The following SLC26A5 variants were observed in gnomAD, a reference collection of about 807,000 sequenced individuals.
The protein encoded by SLC26A5 is prestin.
In SLC26A5, 51 loss-of-function variants were observed where a neutral mutation model predicts 81.0. The observed-to-expected ratio is 0.63, with a 90% CI of 0.50 to 0.80. SLC26A5 has a LOEUF of 0.80. Among genes scored for constraint, SLC26A5 ranks in the 30% least tolerant of loss-of-function variants. SLC26A5 has a pLI of 0.00. For missense variants in SLC26A5, 771 were observed against 905.8 expected, an observed-to-expected ratio of 0.85 and a Z score of 1.91; for synonymous variants, 325 against 332.8, an observed-to-expected ratio of 0.98 and a Z score of 0.25.
At chr7:103,371,388 G>T (rs1057319932), downstream of SLC26A5, among the ~76,000 whole-genome samples, 2 of 150,328 alleles carry the variant, frequency 1.3e-5, no homozygotes, top group South Asian at 2.1e-4. Context: ...GCAGTGGCGC[G>T]ATCTCGGCTC....
chr7:103,394,681 G>A (rs58802544), intron 9 of SLC26A5, among the ~76,000 whole-genome samples: 23,377 of 152,136 alleles, frequency 0.15, 2,005 homozygotes, highest in East Asian at 0.31. Context: ...GTGTAGGTAC[G>A]TGTATATAGA....
At chr7:103,387,799 A>G (rs1822312320) in intron 14 of SLC26A5, among the ~76,000 whole-genome samples, 1 of 152,104 alleles carries the variant, frequency 6.6e-6, no homozygotes, top group African/African-American at 2.4e-5. Flanking sequence ...CTCCTGCCTC[A>G]GCCTCCTAAG....
At chr7:103,389,235 A>C in intron 13 of SLC26A5, 94 bp downstream of exon 13, 2 of 1,208,422 alleles carry the variant, frequency 1.7e-6, no homozygotes, top group Non-Finnish European at 2.5e-6. Flanking sequence ...ACTGCACATA[A>C]CAACTGCATT....
chr7:103,364,034 A>T, intron 19 of SLC26A5: 11 of 1,013,752 alleles, frequency 1.1e-5, no homozygotes, highest in Non-Finnish European at 1.6e-5. Flanking sequence ...ATATTAAAGT[A>T]TGGTTTTCAG....
chr7:103,427,177 G>A (rs908509358), intron 2 of SLC26A5, among the ~76,000 whole-genome samples: 3 of 151,592 alleles, frequency 2.0e-5, no homozygotes, highest in South Asian at 4.2e-4. Context: ...GGGTTCAAGC[G>A]ATTTTCCTGC....
chr7:103,413,671 A>G (rs2116669542), intron 4 of SLC26A5, among the ~76,000 whole-genome samples: 1 of 152,266 alleles, frequency 6.6e-6, no homozygotes, highest in East Asian at 1.9e-4. Flanking sequence ...ATTACCTTCC[A>G]GTTACTCAAT....
rs1171517358 is a variant in SLC26A5, at chr7:103,433,703, CT to C, written c.-54+9379del. 1,105 of 131,402 alleles carry C rather than the reference CT, an allele frequency of 8.4e-3. 7 individuals carry two copies. Among genetic ancestry groups the C allele is most frequent in the African/African-American group, 0.012 (382 of 32,332 alleles). The allele number at this position is 131,402 out of a possible 1,614,324, so 8.1% of individuals were successfully genotyped here. On this transcript the variant is annotated intron_variant, in intron 2 of 19. Coordinates refer to ENST00000306312, the MANE Select transcript of SLC26A5 (RefSeq NM_198999.3). ...AATTTGTATTAATTTTTTTTTCTTT[CT>C]TTTTTTTTTTTTTTTTGAGACAGAG...
At chr7:103,430,368 C>T (rs535632910) in intron 2 of SLC26A5, among the ~76,000 whole-genome samples, 36 of 152,272 alleles carry the variant, frequency 2.4e-4, no homozygotes, top group Admixed American at 8.5e-4. Flanking sequence ...CGTGAGCCAA[C>T]GCGCCCAGCC....
chr7:103,373,049 A>G (rs1821123108), downstream of SLC26A5, among the ~76,000 whole-genome samples: 1 of 152,206 alleles, frequency 6.6e-6, no homozygotes, highest in African/African-American at 2.4e-5. Flanking sequence ...TTCACATAGA[A>G]TAACCAACTA....
At chr7:103,398,936 C>T (rs1317092485) in intron 8 of SLC26A5, among the ~76,000 whole-genome samples, 4 of 152,058 alleles carry the variant, frequency 2.6e-5, no homozygotes, top group African/African-American at 9.7e-5. Context: ...ATTTTTTGTG[C>T]ATCTCTAACT....
At chr7:103,398,089 TGTTA>T (rs1383449184) in intron 8 of SLC26A5, 75 bp from the exon 9 acceptor site, 54 of 1,123,632 alleles carry the variant, frequency 4.8e-5, no homozygotes, top group Non-Finnish European at 6.3e-5. Flanking sequence ...TCAAATAATA[TGTTA>T]GTCAAGTCAA....
At chr7:103,415,351 T>G (rs962307917) in intron 4 of SLC26A5, among the ~76,000 whole-genome samples, 1 of 152,234 alleles carries the variant, frequency 6.6e-6, no homozygotes, top group Non-Finnish European at 1.5e-5. Context: ...GCCAATCACT[T>G]CCAACTCGTT....
chr7:103,414,607 C>G (rs1264799442), intron 4 of SLC26A5, among the ~76,000 whole-genome samples: 1 of 152,086 alleles, frequency 6.6e-6, no homozygotes, highest in African/African-American at 2.4e-5. Flanking sequence ...TAGCTCATTC[C>G]TTTTTAATAT....
Position 103,392,907 on chromosome 7 carries a change from G to T in SLC26A5, c.1119+12C>A. The T allele has an allele frequency of 6.2e-7, 1 of 1,613,892 alleles. No homozygotes were observed. The highest frequency in any genetic ancestry group is 8.5e-7 in the Non-Finnish European group (1 of 1,179,838). On this transcript the variant is annotated intron_variant, in intron 10 of 19. Transcript: ENST00000306312. ...TGCTATGAAACATGTGCAGGAAACT[G>T]ATTATCTTTACCTGATTGCCGTCAA...
downstream of SLC26A5, among the ~76,000 whole-genome samples, chr7:103,371,236 A>G (rs1821012809): frequency 6.6e-6 from 1 of 152,254 alleles, no homozygotes; most frequent in South Asian, 2.1e-4. Flanking sequence ...TGCTTTTAAT[A>G]TACATAACAA....
chr7:103,393,634 G>A (rs1421257005), intron 9 of SLC26A5, among the ~76,000 whole-genome samples: 1 of 151,892 alleles, frequency 6.6e-6, no homozygotes, highest in Non-Finnish European at 1.5e-5. Context: ...TGGGAAAGGA[G>A]CAGCAGAAGA....
At chr7:103,422,021 G>C (rs1176665982) in intron 2 of SLC26A5, among the ~76,000 whole-genome samples, 1 of 152,128 alleles carries the variant, frequency 6.6e-6, no homozygotes, top group African/African-American at 2.4e-5. Context: ...ATTATTCTAT[G>C]GTTCAGAGTT....
At chr7:103,356,491 A>G (rs1820039428) in intron 19 of SLC26A5, among the ~76,000 whole-genome samples, 2 of 152,312 alleles carry the variant, frequency 1.3e-5, no homozygotes, top group South Asian at 2.1e-4. Context: ...TGTCTGATCA[A>G]TGTAAGATAC....
At chr7:103,366,135 C>T (rs770706304) in intron 19 of SLC26A5, 2 of 1,613,792 alleles carry the variant, frequency 1.2e-6, no homozygotes, top group Non-Finnish European at 1.7e-6. Context: ...CCTGCCTTAT[C>T]TTCTTTGATG....
Sources: gnomAD v4.1 joint callset for allele counts (sites outside exome capture counted in the v4.1 genomes callset) on GRCh38, gnomAD v4.1.1 for gene constraint, MANE v1.5 for transcripts, NCBI Gene and HGNC (gene_info 2026-07-23, HGNC 2026-07-21) for gene names.